Variants in ATP2B2 observed in about 807,000 individuals in gnomAD.
ATP2B2 encodes the protein ATPase plasma membrane Ca2+ transporting 2.
In ATP2B2, 15 loss-of-function variants were observed where a neutral mutation model predicts 120.0. The observed-to-expected ratio is 0.12, with a 90% CI of 0.08 to 0.19. ATP2B2 has a LOEUF of 0.19. Ranked by LOEUF, ATP2B2 falls within the 10% of genes least tolerant of loss-of-function variation. The pLI is 1.00. For synonymous variants in ATP2B2, 694 were observed against 700.3 expected, an observed-to-expected ratio of 0.99 and a Z score of 0.14; for missense variants, 1,045 against 1,719.8, an observed-to-expected ratio of 0.61 and a Z score of 6.94.
chr3:10,388,726 G>A (rs1388637139), intron 5 of ATP2B2, among the ~76,000 whole-genome samples: 2 of 152,164 alleles, frequency 1.3e-5, no homozygotes, highest in East Asian at 1.9e-4. Context: ...CCTTACAGAT[G>A]TAGACATCAA....
chr3:10,449,420 C>A lies in ATP2B2; in HGVS notation c.124G>T (p.Ala42Ser). 1 of 1,614,256 alleles carries A rather than the reference C, an allele frequency of 6.2e-7. No individual in the cohort carries two copies. The highest frequency in any genetic ancestry group is 8.5e-7 in the Non-Finnish European group (1 of 1,180,042). ...RSLMELRGTE[A>S]VVKIKETYGD... ...TAAGTCTCCTTGATCTTGACCACAG[C>A]CTCAGTGCCCCGCAGCTCCATGAGG... Residue 42 changes from alanine to serine, a missense_variant, in exon 2 of 23, where the codon GCT (alanine) becomes TCT (serine). Physicochemically the swap from Ala to Ser is moderately conservative, Grantham distance 99. This residue lies in a region of ATP2B2 where 139 missense variants were observed against 134.2 expected (regional missense o/e 1.04). Transcript: ENST00000360273.
intron 2 of ATP2B2, among the ~76,000 whole-genome samples, chr3:10,562,066 C>T (rs1038800894): frequency 4.6e-5 from 7 of 152,322 alleles, no homozygotes; most frequent in Admixed American, 1.3e-4. Flanking sequence ...GACAAGACAA[C>T]GTTCCTGCTC....
At chr3:10,660,202 G>A (rs1428210833) in intron 1 of ATP2B2, among the ~76,000 whole-genome samples, 1 of 152,128 alleles carries the variant, frequency 6.6e-6, no homozygotes, top group African/African-American at 2.4e-5. Flanking sequence ...AGAAGCAAGA[G>A]CAAACACATT....
chr3:10,616,740 C>T (rs754997484), intron 2 of ATP2B2, among the ~76,000 whole-genome samples: 1 of 152,126 alleles, frequency 6.6e-6, no homozygotes, highest in Non-Finnish European at 1.5e-5. Flanking sequence ...ACTCTAACTC[C>T]TCTTTGTGAT....
intron 1 of ATP2B2, among the ~76,000 whole-genome samples, chr3:10,639,107 T>G (rs1004035007): frequency 1.3e-5 from 2 of 152,196 alleles, no homozygotes; most frequent in Non-Finnish European, 2.9e-5. Context: ...ATATTCGTTA[T>G]GTACATCACC....
chr3:10,492,913 C>T (rs2065988893), intron 1 of ATP2B2, among the ~76,000 whole-genome samples: 1 of 152,190 alleles, frequency 6.6e-6, no homozygotes, highest in Admixed American at 6.5e-5. Context: ...AGGACATTTT[C>T]TAGGATGGCG....
At position 10,650,542 on chromosome 3, in the gene ATP2B2, C is replaced by T. The variant is rs147775323; in HGVS notation, c.-459-30581G>A. ...TTTTCTGAGGAGAAATTCAAGCCAG[C>T]GGCAGAAATTTGCATAAGTAACAAG... On this transcript the variant is annotated intron_variant, in intron 1 of 21. Coordinates refer to the ATP2B2 transcript ENST00000646379. Among the ~76,000 whole-genome samples, 13 of 152,264 alleles carry T rather than the reference C, an allele frequency of 8.5e-5. No homozygotes were observed. In the East Asian group the frequency reaches 1.9e-3, roughly 23 times the overall value.
At chr3:10,701,799 A>C (rs998295669) in intron 1 of ATP2B2, among the ~76,000 whole-genome samples, 2 of 152,166 alleles carry the variant, frequency 1.3e-5, no homozygotes, top group Non-Finnish European at 2.9e-5. Context: ...AGGTGGTCAC[A>C]GGTTTTAGCA....
chr3:10,368,353 G>A lies in ATP2B2; in HGVS notation c.1659+3456C>T, dbSNP rs916829950. Among the ~76,000 whole-genome samples, 27 of 152,140 alleles carry A rather than the reference G, an allele frequency of 1.8e-4. 1 individual carries two copies. Among genetic ancestry groups the A allele is most frequent in the Admixed American group, 1.2e-3 (19 of 15,296 alleles). ...ATCCAAGGCCAACTTCCTGCCTCTT[G>A]CTGCCATACAAGAACAAAAAATTAG... On this transcript the variant is annotated intron_variant, in intron 12 of 22. Coordinates refer to ENST00000360273, the MANE Select transcript of ATP2B2 (RefSeq NM_001001331.4).
chr3:10,435,505 C>T lies in ATP2B2; in HGVS notation c.199+13840G>A, dbSNP rs577561252. Among the ~76,000 whole-genome samples the T allele has an allele frequency of 3.3e-5, 5 of 152,342 alleles. No individual in the cohort carries two copies. In the East Asian group the frequency reaches 7.7e-4, roughly 23 times the overall value. The stretch of plus-strand genomic sequence containing the variant: ...GCCTTCAAGAGCACTTCTCCAGTAT[C>T]TGGGCCACTCCAGACCTCTGAGGCT... On this transcript the variant is annotated intron_variant, in intron 2 of 22. Transcript: ENST00000360273.
chr3:10,525,239 T>G (rs1317698285), intron 3 of ATP2B2, among the ~76,000 whole-genome samples: 1 of 152,198 alleles, frequency 6.6e-6, no homozygotes, highest in Non-Finnish European at 1.5e-5. Context: ...AACTCCACCC[T>G]TGGCAGCTAA....
chr3:10,451,696 T>C (rs750346986), intron 1 of ATP2B2, among the ~76,000 whole-genome samples: 1 of 152,160 alleles, frequency 6.6e-6, no homozygotes, highest in Non-Finnish European at 1.5e-5. Flanking sequence ...CACAGAGACA[T>C]GAGACACCAA....
intron 1 of ATP2B2, among the ~76,000 whole-genome samples, chr3:10,660,430 C>T (rs1231745249): frequency 6.6e-6 from 1 of 152,094 alleles, no homozygotes; most frequent in Admixed American, 6.5e-5. Context: ...CCAGCGATCC[C>T]ACAGAAATAC....
At chr3:10,624,766 G>C (rs571800060) in intron 1 of ATP2B2, among the ~76,000 whole-genome samples, 1 of 152,218 alleles carries the variant, frequency 6.6e-6, no homozygotes, top group Non-Finnish European at 1.5e-5. Flanking sequence ...CCATATAAGA[G>C]GTTGTAACTA....
Position 10,401,076 on chromosome 3 carries a change from C to A in ATP2B2, c.658G>T (p.Asp220Tyr). 1 of 1,613,838 alleles carries A rather than the reference C, an allele frequency of 6.2e-7. No individual in the cohort carries two copies. ...VGDIAQVKYG[D>Y]LLPADGLFIQ... ...AAGAGGCCGTCGGCAGGGAGGAGGT[C>A]ACCTGGCAAGAGGAAGGGCAGGGGA... Residue 220 changes from aspartate to tyrosine, a missense_variant and splice_region_variant, in exon 5 of 23, where the codon GAC (aspartate) becomes TAC (tyrosine). Asp to Tyr is a radical substitution (Grantham distance 160). Coordinates refer to ENST00000360273, the MANE Select transcript of ATP2B2 (RefSeq NM_001001331.4).
intron 8 of ATP2B2, 109 bp from the exon 9 acceptor site, chr3:10,379,393 C>T (rs919876302): frequency 3.8e-5 from 47 of 1,243,898 alleles, no homozygotes; most frequent in East Asian, 7.2e-5. Context: ...AAGGGCGGGC[C>T]GTGCTGACTG....
chr3:10,527,122 TCTC>T (rs1221233506), intron 3 of ATP2B2, among the ~76,000 whole-genome samples: 1 of 152,164 alleles, frequency 6.6e-6, no homozygotes, highest in Non-Finnish European at 1.5e-5. Flanking sequence ...ACCTAGGTCA[TCTC>T]CTCTGTATTT....
At chr3:10,512,758 C>T (rs2066797635) in intron 3 of ATP2B2, among the ~76,000 whole-genome samples, 1 of 152,204 alleles carries the variant, frequency 6.6e-6, no homozygotes, top group Admixed American at 6.5e-5. Flanking sequence ...CACTCCAGCC[C>T]CACCCTCTGG....
chr3:10,475,360 T>C (rs2065164778), intron 1 of ATP2B2, among the ~76,000 whole-genome samples: 2 of 152,236 alleles, frequency 1.3e-5, no homozygotes, highest in African/African-American at 4.8e-5. Flanking sequence ...ACTATTGCTC[T>C]GTCTTGTTTA....
Sources: allele counts gnomAD v4.1 joint callset (sites outside exome capture counted in the v4.1 genomes callset), GRCh38; gene constraint gnomAD v4.1.1; regional missense constraint gnomAD v4.1.1; transcripts MANE v1.5; gene names NCBI Gene and HGNC (gene_info 2026-07-23, HGNC 2026-07-21).